Variants in ZNF385B observed in about 807,000 individuals in gnomAD.
The protein encoded by ZNF385B is zinc finger protein 533.
In ZNF385B, 23 loss-of-function variants were observed where a neutral mutation model predicts 39.2. That is an observed-to-expected ratio of 0.59 (90% CI 0.42 to 0.83). The LOEUF (loss-of-function observed/expected upper bound fraction) is 0.83. Ranked by LOEUF, ZNF385B falls within the 40% of genes least tolerant of loss-of-function variation. The probability of loss-of-function intolerance (pLI) is 0.00; values close to 1 mark genes in which losing one functional copy is unlikely to be tolerated. For synonymous variants in ZNF385B, 205 were observed against 222.6 expected (o/e 0.92, Z 0.70); for missense variants, 552 against 598.9 (o/e 0.92, Z 0.82).
intron 3 of ZNF385B, among the ~76,000 whole-genome samples, chr2:179,673,559 C>T (rs1320797932): frequency 6.6e-6 from 1 of 152,114 alleles, no homozygotes; most frequent in Non-Finnish European, 1.5e-5. Flanking sequence ...AGTTTTCAAA[C>T]AAGACCCTGA....
At chr2:179,827,861 C>T (rs1368668944) in intron 1 of ZNF385B, among the ~76,000 whole-genome samples, 2 of 152,172 alleles carry the variant, frequency 1.3e-5, no homozygotes, top group African/African-American at 2.4e-5. Context: ...CTTCTCATGC[C>T]CCCTTATAAT....
intron 5 of ZNF385B, among the ~76,000 whole-genome samples, chr2:179,509,134 G>C (rs1348275294): frequency 1.3e-5 from 2 of 152,074 alleles, no homozygotes; most frequent in Non-Finnish European, 2.9e-5. Context: ...TTTTAGTAGA[G>C]ATGGGGTTTC....
intron 1 of ZNF385B, among the ~76,000 whole-genome samples, chr2:179,797,899 C>T (rs959078888): frequency 6.6e-6 from 1 of 152,070 alleles, no homozygotes; most frequent in Non-Finnish European, 1.5e-5. Flanking sequence ...CTAATCCTAC[C>T]ATTCATTCAT....
At chr2:179,607,316 T>TG (rs1204189651) in intron 3 of ZNF385B, among the ~76,000 whole-genome samples, 2 of 152,098 alleles carry the variant, frequency 1.3e-5, no homozygotes, top group African/African-American at 2.4e-5. Context: ...GATTGGATCA[T>TG]GGGGGTGGAT....
At chr2:179,445,303 C>G (rs908539717) in intron 8 of ZNF385B, among the ~76,000 whole-genome samples, 15 of 152,130 alleles carry the variant, frequency 9.9e-5, no homozygotes, top group African/African-American at 3.6e-4. Context: ...ACTGTAGGCT[C>G]CAGTGACTAC....
At position 179,816,890 on chromosome 2, in the gene ZNF385B, AT is replaced by A. The variant is rs1262728868; in HGVS notation, c.-155+44210del. 8.5e-5 allele frequency among the ~76,000 whole-genome samples: 13 copies of A among 152,134 alleles called. No individual in the cohort carries two copies. The South Asian group carries it at 2.3e-3, about 27-fold the overall frequency. Reference sequence around the variant, plus strand: ...AACGGACCAGTGTGGTTTATGGAAGATTTTTTTCCCTTTTTCTTCATTAGTA... The same window carrying A: ...AACGGACCAGTGTGGTTTATGGAAGATTTTTTCCCTTTTTCTTCATTAGTA... On this transcript the variant is annotated intron_variant, in intron 1 of 9. Coordinates refer to ENST00000410066, the MANE Select transcript of ZNF385B (RefSeq NM_152520.6).
At chr2:179,808,047 G>A (rs887054991) in intron 1 of ZNF385B, among the ~76,000 whole-genome samples, 2 of 151,654 alleles carry the variant, frequency 1.3e-5, no homozygotes, top group African/African-American at 4.8e-5. Flanking sequence ...TTGTTTGTTT[G>A]TTTGTGACGG....
At chr2:179,818,166 G>A (rs1230342268) in intron 1 of ZNF385B, among the ~76,000 whole-genome samples, 1 of 152,154 alleles carries the variant, frequency 6.6e-6, no homozygotes, top group East Asian at 1.9e-4. Context: ...GAACTAGAGA[G>A]ACTTTTTATT....
chr2:179,710,202 C>T (rs943224518), intron 3 of ZNF385B, among the ~76,000 whole-genome samples: 7 of 152,106 alleles, frequency 4.6e-5, no homozygotes, highest in African/African-American at 7.2e-5. Context: ...ATCACCCCAG[C>T]GCTTACACTC....
At chr2:179,734,209 T>C (rs1701592126) in intron 3 of ZNF385B, among the ~76,000 whole-genome samples, 1 of 152,234 alleles carries the variant, frequency 6.6e-6, no homozygotes, top group Admixed American at 6.5e-5. Flanking sequence ...AATAAAATCT[T>C]TATGTATATG....
chr2:179,788,258 T>C (rs1705122572), intron 1 of ZNF385B, among the ~76,000 whole-genome samples: 1 of 152,070 alleles, frequency 6.6e-6, no homozygotes, highest in African/African-American at 2.4e-5. Flanking sequence ...GAAACATCAG[T>C]GAGTTTGAAG....
chr2:179,660,690 A>G (rs1485396658), intron 3 of ZNF385B, among the ~76,000 whole-genome samples: 2 of 152,208 alleles, frequency 1.3e-5, no homozygotes, highest in African/African-American at 2.4e-5. Flanking sequence ...ACTCCAATAC[A>G]AAGATAATTA....
chr2:179,561,621 G>GAAA (rs142795610), intron 3 of ZNF385B, among the ~76,000 whole-genome samples: 52 of 144,230 alleles, frequency 3.6e-4, no homozygotes, highest in African/African-American at 1.2e-3. Context: ...TGGCAAAATT[G>GAAA]AAAAAAAAAA....
chr2:179,765,301 T>G (rs1178519019), intron 3 of ZNF385B, among the ~76,000 whole-genome samples: 1 of 152,234 alleles, frequency 6.6e-6, no homozygotes, highest in Non-Finnish European at 1.5e-5. Context: ...TAATGATAAT[T>G]TATGCTGCCT....
intron 3 of ZNF385B, among the ~76,000 whole-genome samples, chr2:179,670,246 T>G (rs988593085): frequency 6.3e-5 from 9 of 143,838 alleles, no homozygotes; most frequent in African/African-American, 1.0e-4. Context: ...GGGCCGAGAT[T>G]GCGCCACTGC....
intron 3 of ZNF385B, among the ~76,000 whole-genome samples, chr2:179,643,969 A>G (rs1170368703): frequency 6.6e-6 from 1 of 152,124 alleles, no homozygotes; most frequent in Non-Finnish European, 1.5e-5. Context: ...AATCCTGCGC[A>G]CCACTCTAAA....
chr2:179,548,485 A>C lies in ZNF385B; in HGVS notation c.299-3516T>G, dbSNP rs570483675. On this transcript the variant is annotated intron_variant, in intron 3 of 9. Transcript: ENST00000410066. ...CTCATATACCAGACAATTCATCTGA[A>C]TTGTAGAATTCAATTATTTTTAGCA... Among the ~76,000 whole-genome samples the C allele has an allele frequency of 3.3e-5, 5 of 149,850 alleles. No individual in the cohort carries two copies. In the East Asian group the frequency reaches 9.6e-4, roughly 29 times the overall value.
chr2:179,468,632 T>G (rs2052384908), intron 6 of ZNF385B, among the ~76,000 whole-genome samples: 2 of 152,208 alleles, frequency 1.3e-5, no homozygotes. Flanking sequence ...GTAAAACATT[T>G]GAATTCGGGT....
chr2:179,742,437 TAACA>T (rs1381599916), intron 3 of ZNF385B, among the ~76,000 whole-genome samples: 2 of 152,238 alleles, frequency 1.3e-5, no homozygotes, highest in East Asian at 3.9e-4. Flanking sequence ...GCTAAACAAC[TAACA>T]ATTTTCAATA....
Sources: gnomAD v4.1 joint callset for allele counts (sites outside exome capture counted in the v4.1 genomes callset) on GRCh38, gnomAD v4.1.1 for gene constraint, MANE v1.5 for transcripts, NCBI Gene and HGNC (gene_info 2026-07-23, HGNC 2026-07-21) for gene names.